The following PPP2R5E variants were observed in gnomAD, a reference collection of about 807,000 sequenced individuals.
The protein encoded by PPP2R5E is protein phosphatase 2 regulatory subunit B'epsilon.
PPP2R5E carries 4 observed loss-of-function variants against 65.3 expected under a neutral mutation model. That is an observed-to-expected ratio of 0.06 (90% CI 0.03 to 0.14). The LOEUF (loss-of-function observed/expected upper bound fraction) is 0.14, where lower values mean the gene tolerates loss of function less well. PPP2R5E is among the 10% of genes least tolerant of loss of function. PPP2R5E has a pLI of 1.00. For synonymous variants in PPP2R5E, 183 were observed against 187.4 expected, an observed-to-expected ratio of 0.98 and a Z score of 0.19; for missense variants, 274 against 556.1, an observed-to-expected ratio of 0.49 and a Z score of 5.10.
intron 2 of PPP2R5E, among the ~76,000 whole-genome samples, chr14:63,477,253 T>C (rs1890456130): frequency 6.6e-6 from 1 of 152,086 alleles, no homozygotes; most frequent in African/African-American, 2.4e-5. Flanking sequence ...TAAAAGCAAA[T>C]GTGCAATGTA....
intron 3 of PPP2R5E, among the ~76,000 whole-genome samples, chr14:63,437,972 A>G (rs1888027238): frequency 6.6e-6 from 1 of 152,172 alleles, no homozygotes; most frequent in Non-Finnish European, 1.5e-5. Context: ...TACTCATCAC[A>G]GAAATGGCAT....
rs1891085748 is a variant in PPP2R5E, at chr14:63,488,128, C to T, written c.158-34243G>A. Among the ~76,000 whole-genome samples, 4 of 152,268 alleles carry T rather than the reference C, an allele frequency of 2.6e-5. No individual in the cohort carries two copies. In the South Asian group the frequency reaches 6.2e-4, roughly 24 times the overall value. On this transcript the variant is annotated intron_variant, in intron 2 of 13. Coordinates refer to ENST00000337537, the MANE Select transcript of PPP2R5E (RefSeq NM_006246.5). ...CCCACACACCTACTTAGGACAATTT[C>T]TTCCAAACGCTTTCCTGCTAAAGGG... is the stretch of plus-strand genomic sequence containing the variant.
intron 2 of PPP2R5E, among the ~76,000 whole-genome samples, chr14:63,505,968 GC>G (rs1381069143): frequency 6.6e-6 from 1 of 152,078 alleles, no homozygotes; most frequent in African/African-American, 2.4e-5. Context: ...GTCAGGCAAG[GC>G]TTTCAATAAA....
intron 4 of PPP2R5E, among the ~76,000 whole-genome samples, chr14:63,420,158 GA>G (rs759366602): frequency 3.3e-5 from 5 of 152,028 alleles, no homozygotes; most frequent in Non-Finnish European, 7.4e-5. Flanking sequence ...GTCTTCTTTC[GA>G]ATACAGAGAA....
intron 2 of PPP2R5E, among the ~76,000 whole-genome samples, chr14:63,462,057 T>A (rs574757308): frequency 7.4e-5 from 11 of 149,508 alleles, no homozygotes; most frequent in African/African-American, 2.8e-4. Context: ...GTAATGACAG[T>A]ACCGATTTCA....
chr14:63,537,376 A>G (rs960016478), intron 2 of PPP2R5E, among the ~76,000 whole-genome samples: 2 of 152,214 alleles, frequency 1.3e-5, no homozygotes, highest in African/African-American at 4.8e-5. Context: ...GCATAGTTCA[A>G]TCTACAGTGT....
In PPP2R5E at chr14:63,372,757, T is replaced by C. The variant is rs1039272713; in HGVS notation, c.*3252A>G. On this transcript the variant is annotated 3_prime_UTR_variant, in exon 14 of 14. Transcript: ENST00000337537. ...GAGCCTAGGGCTATACATTTAAGTA[T>C]AGCAGGTGCAATTACAAGCAAGTCC... 38 of 152,162 alleles carry C rather than the reference T, an allele frequency of 2.5e-4. No homozygotes were observed. The highest frequency in any genetic ancestry group is 7.7e-4 in the African/African-American group (32 of 41,434). The allele number at this position is 152,162 out of a possible 1,614,324, so 9.4% of individuals were successfully genotyped here.
At chr14:63,410,291 G>GA (rs1280323289) in intron 5 of PPP2R5E, among the ~76,000 whole-genome samples, 50 of 152,234 alleles carry the variant, frequency 3.3e-4, no homozygotes, top group African/African-American at 1.2e-3. Context: ...TTGTCAAAAG[G>GA]AAAAGGATGT....
At chr14:63,535,375 C>T (rs1253521266) in intron 2 of PPP2R5E, among the ~76,000 whole-genome samples, 1 of 151,840 alleles carries the variant, frequency 6.6e-6, no homozygotes, top group Non-Finnish European at 1.5e-5. Context: ...GAGCTGAGAT[C>T]GCACCACTGT....
intron 2 of PPP2R5E, among the ~76,000 whole-genome samples, chr14:63,488,297 A>G (rs1891099338): frequency 6.6e-6 from 1 of 151,944 alleles, no homozygotes. Flanking sequence ...TCCTTGGTCC[A>G]AGCAATCCTC....
In PPP2R5E at chr14:63,522,064, TTGCCGAG is replaced by T. The variant is rs1456996130; in HGVS notation, c.157+17458_157+17464del. Among the ~76,000 whole-genome samples, 90 of 148,520 alleles carry T rather than the reference TTGCCGAG, an allele frequency of 6.1e-4. 1 individual carries two copies. Among genetic ancestry groups the T allele is most frequent in the African/African-American group, 1.8e-3 (73 of 40,524 alleles). ...CCCTGCCTGATTCTCCTGCCTCAGC[TTGCCGAG>T]TGCCTGCGATTGCAGGCACGCGCCG... is the stretch of plus-strand genomic sequence containing the variant. On this transcript the variant is annotated intron_variant, in intron 2 of 13. Transcript: ENST00000337537.
intron 5 of PPP2R5E, among the ~76,000 whole-genome samples, chr14:63,397,009 T>C (rs927566388): frequency 1.3e-5 from 2 of 152,328 alleles, no homozygotes; most frequent in Middle Eastern, 3.4e-3. Context: ...CCAAGCAATC[T>C]ACATATTAAT....
intron 3 of PPP2R5E, among the ~76,000 whole-genome samples, chr14:63,425,450 C>T (rs1887280886): frequency 6.6e-6 from 1 of 152,150 alleles, no homozygotes; most frequent in South Asian, 2.1e-4. Context: ...TTTATACGTA[C>T]TACACTTTTT....
intron 3 of PPP2R5E, among the ~76,000 whole-genome samples, chr14:63,437,624 T>C (rs544602011): frequency 2.0e-5 from 3 of 152,304 alleles, no homozygotes; most frequent in South Asian, 4.1e-4. Flanking sequence ...GCCTGCCTTA[T>C]TCCAGAGAGT....
At chr14:63,485,478 G>A (rs910114424) in intron 2 of PPP2R5E, among the ~76,000 whole-genome samples, 1 of 152,116 alleles carries the variant, frequency 6.6e-6, no homozygotes, top group Non-Finnish European at 1.5e-5. Flanking sequence ...GCAACAGCAC[G>A]ATCTCGGCTC....
rs1272448189 is a variant in PPP2R5E at position 63,499,157 on chromosome 14, G to A, written c.157+40372C>T. Among the ~76,000 whole-genome samples, 3 of 152,286 alleles carry A rather than the reference G, an allele frequency of 2.0e-5. No individual in the cohort carries two copies. The South Asian group carries it at 6.2e-4, about 32-fold the overall frequency. The stretch of plus-strand genomic sequence containing the variant: ...GCCAGCTTCCATTTCCACCACCAAA[G>A]AGAGAAGGTTGGTTTTGGTTTGAGC... On this transcript the variant is annotated intron_variant, in intron 2 of 13. Transcript: ENST00000337537.
At chr14:63,537,140 C>T (rs1451352115) in intron 2 of PPP2R5E, among the ~76,000 whole-genome samples, 1 of 152,088 alleles carries the variant, frequency 6.6e-6, no homozygotes, top group Non-Finnish European at 1.5e-5. Flanking sequence ...CCCACAAAAC[C>T]AATACCCTGA....
chr14:63,490,230 T>G (rs977442699), intron 2 of PPP2R5E, among the ~76,000 whole-genome samples: 6 of 152,134 alleles, frequency 3.9e-5, no homozygotes, highest in African/African-American at 1.4e-4. Context: ...GCTAACCATA[T>G]GCAGAACGAA....
intron 2 of PPP2R5E, among the ~76,000 whole-genome samples, chr14:63,460,889 CAT>C (rs770959521): frequency 2.4e-4 from 36 of 152,234 alleles, no homozygotes; most frequent in Admixed American, 1.1e-3. Flanking sequence ...CACACGCACA[CAT>C]ACACACATGC....
Sources: gnomAD v4.1 joint callset for allele counts (sites outside exome capture counted in the v4.1 genomes callset) on GRCh38, gnomAD v4.1.1 for gene constraint, MANE v1.5 for transcripts, NCBI Gene and HGNC (gene_info 2026-07-23, HGNC 2026-07-21) for gene names.